Variants in MAGI2 observed in about 807,000 individuals in gnomAD.
MAGI2 encodes membrane-associated guanylate kinase, WW and PDZ domain-containing protein 2.
MAGI2 carries 35 observed loss-of-function variants against 133.3 expected under a neutral mutation model. The ratio of observed to expected loss-of-function variants is 0.26; its 90% CI spans 0.20 to 0.35. The LOEUF is 0.35. Ranked by LOEUF, MAGI2 falls within the 10% of genes least tolerant of loss-of-function variation. The pLI is 1.00. For synonymous variants in MAGI2, 729 were observed against 710.6 expected (o/e 1.03, Z -0.41); for missense variants, 1,636 against 1,863.4 (o/e 0.88, Z 2.25).
intron 2 of MAGI2, among the ~76,000 whole-genome samples, chr7:78,896,910 A>G (rs770827574): frequency 2.0e-5 from 3 of 152,222 alleles, no homozygotes; most frequent in Non-Finnish European, 4.4e-5. Context: ...TAACAAATAG[A>G]AAATGTAATC....
intron 2 of MAGI2, among the ~76,000 whole-genome samples, chr7:78,819,469 A>T (rs549576284): frequency 6.6e-6 from 1 of 152,112 alleles, no homozygotes; most frequent in East Asian, 1.9e-4. Context: ...CCATTCCCCC[A>T]TTTCTCTCAT....
At chr7:78,727,734 T>G (rs1413781579) in intron 2 of MAGI2, among the ~76,000 whole-genome samples, 1 of 152,218 alleles carries the variant, frequency 6.6e-6, no homozygotes, top group East Asian at 1.9e-4. Flanking sequence ...AGGCTTGCTG[T>G]GAAACTAATG....
chr7:79,082,000 G>A (rs969077990), intron 1 of MAGI2, among the ~76,000 whole-genome samples: 1 of 152,004 alleles, frequency 6.6e-6, no homozygotes, highest in African/African-American at 2.4e-5. Flanking sequence ...TGGAATTACC[G>A]AGTCATAGGG....
intron 1 of MAGI2, among the ~76,000 whole-genome samples, chr7:79,373,639 A>G (rs970158609): frequency 1.3e-5 from 2 of 152,090 alleles, no homozygotes; most frequent in African/African-American, 4.8e-5. Context: ...GGTTGAATAA[A>G]TGAAAACCCA....
chr7:79,003,400 A>C (rs1353056294), intron 2 of MAGI2, among the ~76,000 whole-genome samples: 1 of 152,206 alleles, frequency 6.6e-6, no homozygotes, highest in Non-Finnish European at 1.5e-5. Context: ...ATAAGTCACT[A>C]CAATTTTGTT....
At chr7:78,842,650 G>T (rs554828432) in intron 2 of MAGI2, among the ~76,000 whole-genome samples, 1 of 151,774 alleles carries the variant, frequency 6.6e-6, no homozygotes, top group African/African-American at 2.4e-5. Flanking sequence ...TCTAGTAGAT[G>T]TATAATAAAT....
chr7:79,453,579 C>T lies in MAGI2; in HGVS notation c.-259G>A. On this transcript the variant is annotated 5_prime_UTR_variant, in exon 1 of 22. Transcript: ENST00000354212. ...CCTTGAATGACACTCAAGGCTGTGG[C>T]CCCGCAGCAGAGGAAGCAGTGGTGG... is the stretch of plus-strand genomic sequence containing the variant. 1 of 1,190,268 alleles carries T rather than the reference C, an allele frequency of 8.4e-7. No homozygotes were observed. Among genetic ancestry groups the T allele is most frequent in the Non-Finnish European group, 1.0e-6 (1 of 960,976 alleles). 73.7% of individuals were successfully genotyped at this position (1,190,268 alleles called of 1,614,324 possible).
At chr7:78,760,508 A>G (rs1262184907) in intron 2 of MAGI2, among the ~76,000 whole-genome samples, 4 of 151,828 alleles carry the variant, frequency 2.6e-5, no homozygotes, top group Non-Finnish European at 5.9e-5. Flanking sequence ...GGTTACAGAT[A>G]TGCACCACCG....
At chr7:78,044,125 G>A (rs886189871) in intron 21 of MAGI2, among the ~76,000 whole-genome samples, 1 of 152,268 alleles carries the variant, frequency 6.6e-6, no homozygotes, top group East Asian at 1.9e-4. Flanking sequence ...TATGAGAAAT[G>A]TTCATTAAAA....
intron 9 of MAGI2, among the ~76,000 whole-genome samples, chr7:78,320,226 A>G (rs553852943): frequency 6.6e-6 from 1 of 152,314 alleles, no homozygotes; most frequent in African/African-American, 2.4e-5. Flanking sequence ...TTCTGAAACT[A>G]TCCCAAACAA....
intron 1 of MAGI2, among the ~76,000 whole-genome samples, chr7:79,404,771 T>C (rs1212197841): frequency 6.6e-6 from 1 of 152,098 alleles, no homozygotes; most frequent in Non-Finnish European, 1.5e-5. Context: ...CTATATAGAC[T>C]ATTCTCCAGG....
rs147226287 is a variant in MAGI2 at position 79,207,838 on chromosome 7, C to T, written c.302-200632G>A. ...ATCATGGTACTGGCATAAAAACAAA[C>T]ACGTAGACCAATGAAACAGAATAGA... is the stretch of plus-strand genomic sequence containing the variant. On this transcript the variant is annotated intron_variant, in intron 1 of 21. Transcript: ENST00000354212. 3.8e-4 allele frequency among the ~76,000 whole-genome samples: 58 copies of T among 152,020 alleles called. 1 individual carries two copies. Among genetic ancestry groups the T allele is most frequent in the African/African-American group, 1.4e-3 (56 of 41,416 alleles).
At chr7:78,940,978 A>C (rs1800917627) in intron 2 of MAGI2, 2 of 152,220 alleles carry the variant, frequency 1.3e-5, no homozygotes, top group Admixed American at 1.3e-4. Flanking sequence ...CTTTAGATAT[A>C]ATGGAATGGG....
At chr7:79,074,036 C>T (rs189133211) in intron 1 of MAGI2, among the ~76,000 whole-genome samples, 1 of 152,016 alleles carries the variant, frequency 6.6e-6, no homozygotes, top group African/African-American at 2.4e-5. Context: ...TTCATAATAC[C>T]CAGACAGAGA....
intron 7 of MAGI2, among the ~76,000 whole-genome samples, chr7:78,360,584 G>C (rs1792671530): frequency 6.6e-6 from 1 of 152,178 alleles, no homozygotes. Context: ...ACAAATAATA[G>C]AATAATCATC....
intron 13 of MAGI2, among the ~76,000 whole-genome samples, chr7:78,180,098 A>G (rs1200091274): frequency 6.6e-6 from 1 of 152,228 alleles, no homozygotes; most frequent in South Asian, 2.1e-4. Context: ...TCTGTAAGTC[A>G]CTTTAAGCTG....
intron 8 of MAGI2, among the ~76,000 whole-genome samples, 176 bp from the exon 9 acceptor site, chr7:78,344,136 A>C (rs1790665423): frequency 6.6e-6 from 1 of 152,194 alleles, no homozygotes. Flanking sequence ...AACTTCCTAC[A>C]CACGAAGAGC....
At chr7:78,443,993 C>T (rs574397519) in intron 6 of MAGI2, among the ~76,000 whole-genome samples, 3 of 152,126 alleles carry the variant, frequency 2.0e-5, no homozygotes, top group South Asian at 2.1e-4. Context: ...TTTACTTGAG[C>T]GCCACTAGAG....
At chr7:78,976,713 CA>C (rs57312292) in intron 2 of MAGI2, among the ~76,000 whole-genome samples, 105,439 of 146,964 alleles carry the variant, frequency 0.72, 37,419 homozygotes, top group East Asian at 0.79. Context: ...AAAAAAACTA[CA>C]AAAAAAAAAC....
Sources: gnomAD v4.1 joint callset for allele counts (sites outside exome capture counted in the v4.1 genomes callset) on GRCh38, gnomAD v4.1.1 for gene constraint, MANE v1.5 for transcripts, NCBI Gene and HGNC (gene_info 2026-07-23, HGNC 2026-07-21) for gene names.